Variants in RYR1 observed in about 807,000 individuals in gnomAD.
RYR1 encodes the protein central core disease of muscle.
RYR1 carries 342 observed loss-of-function variants against 583.5 expected under a neutral mutation model. The observed-to-expected ratio is 0.59, with a 90% CI of 0.54 to 0.64. RYR1 has a LOEUF of 0.64. Among genes scored for constraint, RYR1 ranks in the 30% least tolerant of loss-of-function variants. The pLI is 0.00. For missense variants in RYR1, 6,032 were observed against 6,917.2 expected (o/e 0.87, Z 4.54); for synonymous variants, 2,791 against 2,822.5 (o/e 0.99, Z 0.35).
intron 25 of RYR1, among the ~76,000 whole-genome samples, chr19:38,468,509 C>T (rs1291984743): frequency 6.6e-6 from 1 of 152,220 alleles, no homozygotes; most frequent in East Asian, 1.9e-4. Flanking sequence ...AAACTCTCAA[C>T]TTTCCAATCA....
intron 47 of RYR1, 27 bp from the exon 48 acceptor site, chr19:38,502,480 G>T (rs1477125011): frequency 1.9e-6 from 3 of 1,592,648 alleles, no homozygotes; most frequent in East Asian, 2.3e-5. Flanking sequence ...TGTGCAGCGG[G>T]CCTGATGTCC....
intron 38 of RYR1, among the ~76,000 whole-genome samples, chr19:38,493,659 A>G (rs1969663538): frequency 1.3e-5 from 2 of 151,918 alleles, no homozygotes; most frequent in Non-Finnish European, 2.9e-5. Context: ...AGCTGGGACT[A>G]CAGGCGCGCA....
Position 38,536,037 on chromosome 19 carries a change from G to A in RYR1, c.11557G>A (p.Glu3853Lys), listed in dbSNP as rs145087576. 7.0e-5 allele frequency: 113 copies of A among 1,613,646 alleles called. 1 individual carries two copies. The highest frequency in any genetic ancestry group is 2.5e-4 in the South Asian group (23 of 91,008). ...TGCCTTTGAGAGACAGAACAAGGCC[G>A]AGGGGCTGGGCATGGTGAATGAGGA... Reference protein sequence around the residue: ...LNAFERQNKAEGLGMVNEDGT... With the variant: ...LNAFERQNKAKGLGMVNEDGT... Residue 3853 changes from glutamate (E) to lysine (K), a missense_variant, in exon 82 of 106, where the codon GAG becomes AAG. Physicochemically the swap from Glu to Lys is moderately conservative, Grantham distance 56 (BLOSUM62 1). Around this residue, in one of 11 missense-constraint regions of RYR1, gnomAD observed 1,493 missense variants for 1,715.5 expected, o/e 0.87. Coordinates refer to ENST00000359596, the MANE Select transcript of RYR1 (RefSeq NM_000540.3).
In RYR1 at chr19:38,463,466, C is replaced by T. The variant is rs779130363; in HGVS notation, c.2621C>T (p.Ala874Val). Residue 874 changes from alanine to valine, a missense_variant, in exon 21 of 106, where the codon GCG becomes GTG. Around this residue, in one of 11 missense-constraint regions of RYR1, gnomAD observed 2,627 missense variants for 2,961.3 expected, o/e 0.89. Transcript: ENST00000359596. ...CTGGAGCGCATTCGGGAGAAGCTGG[C>T]GGAGAACATCCACGAGCTCTGGGCG... ...PHLERIREKL[A>V]ENIHELWALT... The T allele has an allele frequency of 1.5e-5, 24 of 1,613,686 alleles. No homozygotes were observed. The highest frequency in any genetic ancestry group is 1.6e-4 in the Middle Eastern group (1 of 6,084).
chr19:38,447,844 A>T lies in RYR1; in HGVS notation c.801-511A>T, dbSNP rs951622981. On this transcript the variant is annotated intron_variant, in intron 9 of 105. Transcript: ENST00000359596. ...GCAACAGAGTGAGGCCCTGCCTTAA[A>T]AAAAAAAAAAAAAACAAGCAAAACA... is the stretch of plus-strand genomic sequence containing the variant. 3.7e-4 allele frequency among the ~76,000 whole-genome samples: 3 copies of T among 8,086 alleles called. No individual in the cohort carries two copies. In the African/African-American group the frequency reaches 4.4e-3, roughly 12 times the overall value. 5.3% of individuals were successfully genotyped at this position (8,086 alleles called of 152,430 possible). A position where few individuals can be genotyped will look rare whatever the true frequency, so the allele number is the denominator to read the frequency against.
intron 38 of RYR1, among the ~76,000 whole-genome samples, chr19:38,493,332 A>C (rs1969641447): frequency 6.6e-6 from 1 of 152,062 alleles, no homozygotes; most frequent in Non-Finnish European, 1.5e-5. Flanking sequence ...TGCAAACTGT[A>C]TATTAGCCAC....
intron 89 of RYR1, among the ~76,000 whole-genome samples, chr19:38,550,273 T>G (rs1972610748): frequency 6.6e-6 from 1 of 152,166 alleles, no homozygotes; most frequent in East Asian, 1.9e-4. Flanking sequence ...TTAGGTGTTC[T>G]GTCTGTTTTC....
intron 67 of RYR1, among the ~76,000 whole-genome samples, chr19:38,519,905 T>G (rs992103295): frequency 1.3e-5 from 2 of 151,852 alleles, no homozygotes; most frequent in Non-Finnish European, 2.9e-5. Flanking sequence ...TCTTGAACTC[T>G]TGACCTCATG....
chr19:38,463,416 C>T lies in RYR1; in HGVS notation c.2578-7C>T. The T allele has an allele frequency of 6.2e-7, 1 of 1,613,160 alleles. No homozygotes were observed. The highest frequency in any genetic ancestry group is 8.5e-7 in the Non-Finnish European group (1 of 1,179,448). ...TTGGGGTCTCAAGAACGTCCCTCTG[C>T]CTCTAGATTGTCCTGCCGCCCCATC... is the stretch of plus-strand genomic sequence containing the variant. On this transcript the variant is annotated splice_polypyrimidine_tract_variant and splice_region_variant and intron_variant, in intron 20 of 105. Transcript: ENST00000359596.
At chr19:38,542,286 T>A (rs1279896039) in intron 84 of RYR1, among the ~76,000 whole-genome samples, 1 of 151,896 alleles carries the variant, frequency 6.6e-6, no homozygotes, top group Non-Finnish European at 1.5e-5. Flanking sequence ...TTCCCTGGCC[T>A]TTAGTAGGTG....
rs753244747 is a variant in RYR1, at chr19:38,543,696, AG to A, written c.11907+41del. 2.7e-5 allele frequency: 44 copies of A among 1,612,090 alleles called. 1 individual carries two copies. The Middle Eastern group carries it at 1.3e-3, about 48-fold the overall frequency. On this transcript the variant is annotated intron_variant, in intron 86 of 105. Transcript: ENST00000359596. This position sits in a 1 kb window ranked among gnomAD's most constrained non-coding sequence, Gnocchi z 4.4. ...CCCCCTGGGGCGGGAGTGGGAAGGG[AG>A]GGGGTCCCGCATCGTGATCCCTGAT...
In RYR1 at chr19:38,494,554, C is replaced by T. The variant is rs1159279103; in HGVS notation, c.6477C>T (p.Leu2159=). ...VEDTMSLLEC[L]GQIRSLLIVQ... Reference sequence around the variant, plus strand: ...ACACCATGAGCCTGCTCGAGTGCCTCGGCCAGATCCGCTCGCTGCTCATCG... The same window carrying T: ...ACACCATGAGCCTGCTCGAGTGCCTTGGCCAGATCCGCTCGCTGCTCATCG... The change falls in exon 39 of 106, where the codon CTC becomes CTT. Residue 2159 remains leucine (L), a synonymous_variant. Coordinates refer to ENST00000359596, the MANE Select transcript of RYR1 (RefSeq NM_000540.3). 13 of 1,613,982 alleles carry T rather than the reference C, an allele frequency of 8.1e-6. No homozygotes were observed. The highest frequency in any genetic ancestry group is 1.7e-4 in the Middle Eastern group (1 of 6,052).
chr19:38,517,959 C>CT (rs979672438), intron 66 of RYR1, among the ~76,000 whole-genome samples: 1 of 151,946 alleles, frequency 6.6e-6, no homozygotes, highest in Non-Finnish European at 1.5e-5. Context: ...CAAAACAAAA[C>CT]TTTTTTTTAA....
intron 96 of RYR1, 59 bp from the exon 97 acceptor site, chr19:38,575,860 G>T: frequency 6.3e-7 from 1 of 1,585,612 alleles, no homozygotes; most frequent in Non-Finnish European, 8.7e-7. Context: ...GTGGCTGACA[G>T]CTCTGATCCC....
intron 23 of RYR1, among the ~76,000 whole-genome samples, chr19:38,465,829 G>C (rs955813717): frequency 6.6e-6 from 1 of 152,106 alleles, no homozygotes; most frequent in African/African-American, 2.4e-5. Context: ...AGAGTTCCGG[G>C]GTTAGAGATA....
At position 38,519,400 on chromosome 19, in the gene RYR1, G is replaced by T. The variant is rs752580749; in HGVS notation, c.10205G>T (p.Cys3402Phe). Residue 3402 changes from cysteine (C) to phenylalanine (F), a missense_variant, in exon 67 of 106, where the codon TGC becomes TTC. Cys to Phe is a radical substitution (Grantham distance 205). This residue lies in a region of RYR1 where 1,493 missense variants were observed against 1,715.5 expected (regional missense o/e 0.87). Coordinates refer to ENST00000359596, the MANE Select transcript of RYR1 (RefSeq NM_000540.3). ...GTGCGGGACGAGTTCTCTGTGCTCTGCCGGGACCTCTACGCCCTGTATCCG... is the reference window on the plus strand; with the variant it reads ...GTGCGGGACGAGTTCTCTGTGCTCTTCCGGGACCTCTACGCCCTGTATCCG... ...LLVRDEFSVL[C>F]RDLYALYPLL... 6.2e-7 allele frequency: 1 copy of T among 1,604,100 alleles called. No homozygotes were observed. The highest frequency in any genetic ancestry group is 8.5e-7 in the Non-Finnish European group (1 of 1,175,912).
Position 38,530,880 on chromosome 19 carries a change from G to A in RYR1, c.11142-1610G>A, listed in dbSNP as rs191841220. Among the ~76,000 whole-genome samples the A allele has an allele frequency of 1.2e-3, 182 of 151,740 alleles. 1 individual carries two copies. The highest frequency in any genetic ancestry group is 3.4e-3 in the Middle Eastern group (1 of 290). Reference sequence around the variant, plus strand: ...TGCAATGGCGCAATCTCGGCTCGCTGCAATCTCCACCTCCCGGGTTCAAGC... The same window carrying A: ...TGCAATGGCGCAATCTCGGCTCGCTACAATCTCCACCTCCCGGGTTCAAGC... On this transcript the variant is annotated intron_variant, in intron 76 of 105. Transcript: ENST00000359596.
intron 91 of RYR1, among the ~76,000 whole-genome samples, chr19:38,566,011 C>G (rs1238310710): frequency 1.3e-5 from 2 of 151,600 alleles, no homozygotes; most frequent in African/African-American, 4.9e-5. Flanking sequence ...AGATGGAGAC[C>G]TGGAGAAAGG....
Position 38,490,173 on chromosome 19 carries a change from C to T in RYR1, c.5912C>T (p.Ala1971Val). Residue 1971 changes from alanine (A) to valine (V), a missense_variant, in exon 36 of 106, where the codon GCC (alanine) becomes GTC (valine). By Grantham distance (64) the Ala-to-Val change is moderately conservative. Coordinates refer to ENST00000359596, the MANE Select transcript of RYR1 (RefSeq NM_000540.3). ...FAERYVDKLQ[A>V]NQRSRYGLLI... is the part of the protein sequence containing the mutation. ...GAGCGCTATGTGGACAAGCTCCAGG[C>T]CAACCAGCGGAGCCGCTATGGCCTC... 6.2e-7 allele frequency: 1 copy of T among 1,614,228 alleles called. No individual in the cohort carries two copies. The highest frequency in any genetic ancestry group is 8.5e-7 in the Non-Finnish European group (1 of 1,180,040).
Sources: allele counts gnomAD v4.1 joint callset (sites outside exome capture counted in the v4.1 genomes callset), GRCh38; gene constraint gnomAD v4.1.1; regional missense constraint gnomAD v4.1.1; non-coding constraint Gnocchi (gnomAD v3.1); transcripts MANE v1.5; gene names NCBI Gene and HGNC (gene_info 2026-07-23, HGNC 2026-07-21).